Variants in SDR16C5 observed in about 807,000 individuals in gnomAD.
The protein encoded by SDR16C5 is short chain dehydrogenase/reductase family 16C member 5.
In SDR16C5, 20 loss-of-function variants were observed where a neutral mutation model predicts 27.7. The observed-to-expected ratio is 0.72, with a 90% CI of 0.51 to 1.05. The LOEUF is 1.05. SDR16C5 is among the 50% of genes least tolerant of loss of function. SDR16C5 has a pLI of 0.00. For missense variants in SDR16C5, 374 were observed against 366.3 expected (o/e 1.02, Z -0.17); for synonymous variants, 139 against 132.3 (o/e 1.05, Z -0.35).
chr8:56,317,662 A>C (rs911212997), intron 1 of SDR16C5, among the ~76,000 whole-genome samples: 2 of 152,228 alleles, frequency 1.3e-5, no homozygotes, highest in African/African-American at 4.8e-5. Context: ...ATTCATCTAC[A>C]GGAGGACTTG....
chr8:56,310,385 ACCAT>A (rs1438746238), intron 3 of SDR16C5, among the ~76,000 whole-genome samples: 3 of 151,686 alleles, frequency 2.0e-5, no homozygotes, highest in Non-Finnish European at 2.9e-5. Context: ...AGAGACAGAC[ACCAT>A]GAAGGCACCT....
rs1271833987 is a variant in SDR16C5 at position 56,312,186 on chromosome 8, A to G, written c.436T>C (p.Phe146Leu). 6.2e-7 allele frequency: 1 copy of G among 1,612,920 alleles called. No homozygotes were observed. The highest frequency in any genetic ancestry group is 1.3e-5 in the African/African-American group (1 of 74,904). The change falls in exon 3 of 7, where the codon TTT becomes CTT. Residue 146 changes from phenylalanine (F) to leucine (L), a missense_variant. By Grantham distance (22) the Phe-to-Leu change is conservative (BLOSUM62 0). Transcript: ENST00000303749. ...AAATGTGCTTTGAAATTCACATCAA[A>G]TGACTTTTCCATAAGCTCATCTGGA... ...DCPDELMEKS[F>L]DVNFKAHLWT... is the part of the protein sequence containing the mutation.
Position 56,300,974 on chromosome 8 carries a change from G to A in SDR16C5, c.*506C>T, listed in dbSNP as rs923974618. 2 of 152,896 alleles carry A rather than the reference G, an allele frequency of 1.3e-5. No homozygotes were observed. The highest frequency in any genetic ancestry group is 2.1e-4 in the South Asian group (1 of 4,864). The allele number at this position is 152,896 out of a possible 1,614,324, so 9.5% of individuals were successfully genotyped here. On this transcript the variant is annotated 3_prime_UTR_variant, in exon 7 of 7. Coordinates refer to ENST00000303749, the MANE Select transcript of SDR16C5 (RefSeq NM_138969.4). The stretch of plus-strand genomic sequence containing the variant: ...TTTTGGAAAGAAGGGCACTGGAGGC[G>A]GGCCTTTTCTACATTAGGTGGTACA...
chr8:56,320,022 G>A (rs1815299184), intron 1 of SDR16C5, 37 bp downstream of exon 1: 1 of 152,818 alleles, frequency 6.5e-6, no homozygotes, highest in South Asian at 2.1e-4. Context: ...CCTCCTCCGG[G>A]AGCCAGCACC....
intron 4 of SDR16C5, 79 bp from the exon 5 acceptor site, chr8:56,306,899 C>A: frequency 1.6e-6 from 2 of 1,239,336 alleles, no homozygotes; most frequent in South Asian, 1.5e-5. Context: ...ATAACGCTAA[C>A]AGCGACAGAA....
At chr8:56,315,990 A>T in intron 2 of SDR16C5, 25 bp downstream of exon 2, 1 of 1,505,266 alleles carries the variant, frequency 6.6e-7, no homozygotes, top group East Asian at 2.3e-5. Flanking sequence ...GTATCAAATT[A>T]TAATAGTAAA....
chr8:56,313,064 C>T (rs1483110834), intron 2 of SDR16C5, among the ~76,000 whole-genome samples: 1 of 152,196 alleles, frequency 6.6e-6, no homozygotes, highest in Non-Finnish European at 1.5e-5. Context: ...GCATGAGCCA[C>T]TGCGCCTGAC....
chr8:56,318,418 A>G (rs1815254040), intron 1 of SDR16C5, among the ~76,000 whole-genome samples: 1 of 152,200 alleles, frequency 6.6e-6, no homozygotes, highest in Non-Finnish European at 1.5e-5. Flanking sequence ...TATCAAATAC[A>G]TGGAGCCTGT....
In SDR16C5 at chr8:56,312,307, A is replaced by T; in HGVS notation, c.334-19T>A. The T allele has an allele frequency of 6.2e-7, 1 of 1,609,316 alleles. No homozygotes were observed. Among genetic ancestry groups the T allele is most frequent in the Non-Finnish European group, 8.5e-7 (1 of 1,175,736 alleles). On this transcript the variant is annotated intron_variant, in intron 2 of 6. Coordinates refer to ENST00000303749, the MANE Select transcript of SDR16C5 (RefSeq NM_138969.4). Reference sequence around the variant, plus strand: ...TTTTAACCTGAATTGAATAAGAGCAACACCACCAATGTAGTAATTCCTTAC... The same window carrying T: ...TTTTAACCTGAATTGAATAAGAGCATCACCACCAATGTAGTAATTCCTTAC...
rs1349312564 is a variant in SDR16C5 at position 56,301,713 on chromosome 8, C to T, written c.837-140G>A. 2.5e-5 allele frequency: 16 copies of T among 628,466 alleles called. 1 individual carries two copies. Among genetic ancestry groups the T allele is most frequent in the South Asian group, 1.2e-4 (6 of 51,464 alleles). The allele number at this position is 628,466 out of a possible 1,614,324, so 38.9% of individuals were successfully genotyped here. On this transcript the variant is annotated intron_variant, in intron 6 of 6. Transcript: ENST00000303749. ...CACACTATGCAGCCTGAGTGCTACC[C>T]GCCTCAGGGTCACTGGGCCTTGTTC...
In SDR16C5 at chr8:56,301,586, CA is replaced by C; in HGVS notation, c.837-14del. 1 of 1,580,410 alleles carries C rather than the reference CA, an allele frequency of 6.3e-7. No homozygotes were observed. Among genetic ancestry groups the C allele is most frequent in the Non-Finnish European group, 8.7e-7 (1 of 1,150,008 alleles). On this transcript the variant is annotated splice_polypyrimidine_tract_variant and intron_variant, in intron 6 of 6. Transcript: ENST00000303749. Reference sequence around the variant, plus strand: ...GAGGGGCAAAAAGCTAAAGAGAACACAAGAATAAACTTTCTTTATTATCATT... The same window carrying C: ...GAGGGGCAAAAAGCTAAAGAGAACACAGAATAAACTTTCTTTATTATCATT...
intron 6 of SDR16C5, among the ~76,000 whole-genome samples, chr8:56,302,900 T>C (rs1285667429): frequency 1.3e-5 from 2 of 152,090 alleles, no homozygotes; most frequent in Non-Finnish European, 2.9e-5. Flanking sequence ...GAGGATGGCT[T>C]GAGCCTGGGA....
chr8:56,316,263 C>A lies in SDR16C5; in HGVS notation c.85G>T (p.Ala29Ser), dbSNP rs767560400. The A allele has an allele frequency of 6.2e-7, 1 of 1,613,836 alleles. No homozygotes were observed. Residue 29 changes from alanine (A) to serine (S), a missense_variant, in exon 2 of 7, where the codon GCC (alanine) becomes TCC (serine). Physicochemically the swap from Ala to Ser is moderately conservative, Grantham distance 99. Coordinates refer to ENST00000303749, the MANE Select transcript of SDR16C5 (RefSeq NM_138969.4). ...LFSLLEAMIF[A>S]LLPKPRKNVA... is the part of the protein sequence containing the mutation. ...TTCTTCCGTGGCTTTGGGAGTAAGG[C>A]AAAAATCATAGCCTCCAGAAGACTA...
At chr8:56,303,830 G>T in intron 6 of SDR16C5, 1 of 616,162 alleles carries the variant, frequency 1.6e-6, no homozygotes, top group African/African-American at 1.8e-5. Context: ...TAAGCAAAAA[G>T]AACTTAGTGT....
Position 56,309,010 on chromosome 8 carries a change from T to A in SDR16C5, c.483A>T (p.Leu161=), listed in dbSNP as rs147625094. The change falls in exon 4 of 7, where the codon CTA becomes CTT. Residue 161 remains leucine, a synonymous_variant. Coordinates refer to ENST00000303749, the MANE Select transcript of SDR16C5 (RefSeq NM_138969.4). ...KAHLWTYKAF[L]PAMIANDHGH... ...CATGGTCATTAGCAATCATAGCAGG[T>A]AGAAAGGCTTTATAAGTCTAAGAAT... 4 of 1,609,758 alleles carry A rather than the reference T, an allele frequency of 2.5e-6. No homozygotes were observed. The highest frequency in any genetic ancestry group is 3.3e-4 in the Middle Eastern group (2 of 6,076).
In SDR16C5 at chr8:56,316,371, A is replaced by C. The variant is rs1815198650; in HGVS notation, c.-14-10T>G. 3 of 1,535,500 alleles carry C rather than the reference A, an allele frequency of 2.0e-6. No homozygotes were observed. Among genetic ancestry groups the C allele is most frequent in the Non-Finnish European group, 1.8e-6 (2 of 1,109,806 alleles). Reference sequence around the variant, plus strand: ...ATGTTCTGGCTGACACCTGTGAAGAAAGACAGATTCACATGAAGACTTATT... The same window carrying C: ...ATGTTCTGGCTGACACCTGTGAAGACAGACAGATTCACATGAAGACTTATT... On this transcript the variant is annotated splice_polypyrimidine_tract_variant and intron_variant, in intron 1 of 6. Transcript: ENST00000303749.
chr8:56,304,340 GC>G (rs1244737407), intron 6 of SDR16C5, among the ~76,000 whole-genome samples: 1 of 152,138 alleles, frequency 6.6e-6, no homozygotes, highest in Non-Finnish European at 1.5e-5. Flanking sequence ...AACTCAAGGT[GC>G]TTCCTCACAC....
intron 2 of SDR16C5, among the ~76,000 whole-genome samples, chr8:56,313,068 G>A (rs562117221): frequency 9.2e-5 from 14 of 152,224 alleles, no homozygotes; most frequent in South Asian, 4.1e-4. Context: ...GAGCCACTGC[G>A]CCTGACCTCC....
At chr8:56,318,882 G>A (rs531844139) in intron 1 of SDR16C5, among the ~76,000 whole-genome samples, 2 of 152,170 alleles carry the variant, frequency 1.3e-5, no homozygotes, top group East Asian at 3.9e-4. Flanking sequence ...CAGGCAATGA[G>A]GTCTAGAGAT....
Sources: allele counts gnomAD v4.1 joint callset (sites outside exome capture counted in the v4.1 genomes callset), GRCh38; gene constraint gnomAD v4.1.1; transcripts MANE v1.5; gene names NCBI Gene and HGNC (gene_info 2026-07-23, HGNC 2026-07-21).